The following DOC2A variants were observed in gnomAD, a reference collection of about 807,000 sequenced individuals.
DOC2A encodes double C2 domain alpha, also known as double C2-like domain-containing protein alpha.
Under a neutral mutation model 40.6 loss-of-function variants are expected in DOC2A, and 28 were observed. That is an observed-to-expected ratio of 0.69 (90% CI 0.51 to 0.95). The LOEUF is 0.95. Ranked by LOEUF, DOC2A falls within the 40% of genes least tolerant of loss-of-function variation. The probability of loss-of-function intolerance (pLI) is 0.00; values close to 1 mark genes in which losing one functional copy is unlikely to be tolerated. For missense variants in DOC2A, 474 were observed against 552.5 expected (o/e 0.86, Z 1.42); for synonymous variants, 241 against 236.9 (o/e 1.02, Z -0.16).
At position 30,009,843 on chromosome 16, in the gene DOC2A, C is replaced by T. The variant is rs562756715; in HGVS notation, c.262+118G>A. On this transcript the variant is annotated intron_variant, in intron 2 of 10. Transcript: ENST00000350119. This position sits in a 1 kb window ranked among gnomAD's most constrained non-coding sequence, Gnocchi z 4.1. ...GTGGTGGCCGTCCCTGCCACCCCCCCACTGCCCTCCTCCCCTACCTACATG... is the reference window on the plus strand; with the variant it reads ...GTGGTGGCCGTCCCTGCCACCCCCCTACTGCCCTCCTCCCCTACCTACATG... 0.021 allele frequency: 23,965 copies of T among 1,162,464 alleles called. 435 individuals are homozygous for T. Among genetic ancestry groups the T allele is most frequent in the Non-Finnish European group, 0.024 (19,066 of 792,242 alleles). The allele number at this position is 1,162,464 out of a possible 1,614,324, so 72.0% of individuals were successfully genotyped here.
upstream of DOC2A, among the ~76,000 whole-genome samples, chr16:30,016,055 A>ATATATATATTTTTTT (rs1163519904): frequency 5.9e-5 from 1 of 16,896 alleles, no homozygotes; most frequent in Non-Finnish European, 9.5e-5. Context: ...ATATATATAT[A>ATATATATATTTTTTT]TTTTTTTTTT....
At chr16:30,020,908 G>C (rs1229906204) in intron 1 of DOC2A, among the ~76,000 whole-genome samples, 1 of 152,116 alleles carries the variant, frequency 6.6e-6, no homozygotes, top group Non-Finnish European at 1.5e-5. Flanking sequence ...TGTGGTCCCA[G>C]CTACTTGGGA....
chr16:30,020,790 T>C (rs1411125104), intron 1 of DOC2A, among the ~76,000 whole-genome samples: 1 of 151,694 alleles, frequency 6.6e-6, no homozygotes, highest in Non-Finnish European at 1.5e-5. Flanking sequence ...GAGGTTGCAG[T>C]GAGCCAAGAT....
chr16:30,015,926 G>A (rs1394585169), upstream of DOC2A, among the ~76,000 whole-genome samples: 1 of 143,872 alleles, frequency 7.0e-6, no homozygotes, highest in Non-Finnish European at 1.5e-5. Context: ...TGCCCAGGCT[G>A]GTTTCAAACT....
In DOC2A at chr16:30,010,353, G is replaced by GGA. The variant is rs2070746348; in HGVS notation, c.-13-120_-13-119dup. On this transcript the variant is annotated intron_variant, in intron 1 of 10. Transcript: ENST00000350119. This position sits in a 1 kb window ranked among gnomAD's most constrained non-coding sequence, Gnocchi z 4.2. ...CTGGCCTCCCTTCCTAGGTGTCGAGGGAGAGGGTGGTGTGTGCCAGCCGGT... is the reference window on the plus strand; with the variant it reads ...CTGGCCTCCCTTCCTAGGTGTCGAGGGAGAGAGGGTGGTGTGTGCCAGCCGGT... 7.1e-7 allele frequency: 1 copy of GGA among 1,415,832 alleles called. No homozygotes were observed. The highest frequency in any genetic ancestry group is 1.7e-5 in the Admixed American group (1 of 58,524). 87.7% of individuals were successfully genotyped at this position (1,415,832 alleles called of 1,614,324 possible).
chr16:30,006,827 G>A lies in DOC2A; in HGVS notation c.836C>T (p.Ala279Val). The change falls in exon 8 of 11, where the codon GCT (alanine) becomes GTT (valine). Residue 279 changes from alanine (A) to valine (V), a missense_variant. By Grantham distance (64) the Ala-to-Val change is moderately conservative. Transcript: ENST00000350119. This position sits in a 1 kb window ranked among gnomAD's most constrained non-coding sequence, Gnocchi z 6.2. The part of the protein sequence containing the change: ...LVGILRCAHL[A>V]AMDVNGYSDP... ...CGAGTAACCGTTGACGTCCATGGCA[G>A]CCAGATGGGCGCAGCGCAAGATGCC... The A allele has an allele frequency of 6.2e-7, 1 of 1,613,800 alleles. No homozygotes were observed. The highest frequency in any genetic ancestry group is 8.5e-7 in the Non-Finnish European group (1 of 1,179,898).
chr16:30,006,733 C>T lies in DOC2A; in HGVS notation c.878+52G>A. On this transcript the variant is annotated intron_variant, in intron 8 of 10. Transcript: ENST00000350119. The surrounding 1 kb of genome is among the most constrained non-coding windows in gnomAD (Gnocchi z 6.2). ...GGGGTGAGGGACAGGCCAGGCCCAA[C>T]TCAGGCCAGGGCAGGCTCCCTGGGG... 1 of 1,613,760 alleles carries T rather than the reference C, an allele frequency of 6.2e-7. No individual in the cohort carries two copies. The highest frequency in any genetic ancestry group is 8.5e-7 in the Non-Finnish European group (1 of 1,179,850).
At chr16:30,022,246 CAAAAAAAAAAAAAA>C (rs60987861), upstream of DOC2A, among the ~76,000 whole-genome samples, 9 of 34,284 alleles carry the variant, frequency 2.6e-4, no homozygotes, top group East Asian at 2.4e-3. Flanking sequence ...AACTCCATCT[CAAAAAAAAAAAAAA>C]AAAAAAAAAA....
At chr16:30,016,531 G>A (rs1276841623), upstream of DOC2A, among the ~76,000 whole-genome samples, 8 of 152,186 alleles carry the variant, frequency 5.3e-5, no homozygotes. Flanking sequence ...CAAGGAACCT[G>A]TCGAGTCCTC....
chr16:30,017,975 A>AAT (rs1353215912), intron 1 of DOC2A, among the ~76,000 whole-genome samples: 1 of 148,316 alleles, frequency 6.7e-6, no homozygotes, highest in African/African-American at 2.5e-5. Context: ...AAAAAAAAAA[A>AAT]AAAGAAAGAA....
Position 30,009,560 on chromosome 16 carries a change from G to A in DOC2A, c.263-3C>T, listed in dbSNP as rs375995826. ...AAACTCCAGCGTGCCTAGGGCGGCT[G>A]GAGAGAGAGGAAAGGCAGCATGGGT... is the stretch of plus-strand genomic sequence containing the variant. On this transcript the variant is annotated splice_region_variant and splice_polypyrimidine_tract_variant and intron_variant, in intron 2 of 10. Coordinates refer to ENST00000350119, the MANE Select transcript of DOC2A (RefSeq NM_003586.3). The surrounding 1 kb of genome is among the most constrained non-coding windows in gnomAD (Gnocchi z 4.1). The A allele has an allele frequency of 1.9e-6, 3 of 1,550,918 alleles. No individual in the cohort carries two copies. Among genetic ancestry groups the A allele is most frequent in the African/African-American group, 1.4e-5 (1 of 73,156 alleles).
Position 30,006,607 on chromosome 16 carries a change from C to T in DOC2A, c.949G>A (p.Glu317Lys). 1 of 1,613,786 alleles carries T rather than the reference C, an allele frequency of 6.2e-7. No individual in the cohort carries two copies. The highest frequency in any genetic ancestry group is 8.5e-7 in the Non-Finnish European group (1 of 1,179,968). Reference protein sequence around the residue: ...TCVKKKTLNPEFNEEFFYEIE... With the variant: ...TCVKKKTLNPKFNEEFFYEIE... ...CCCCTCCTGGGTACCTCGTTAAATT[C>T]TGGGTTGAGAGTCTTCTTCTTCACA... The change falls in exon 9 of 11, where the codon GAA becomes AAA. Residue 317 changes from glutamate (E) to lysine (K), a missense_variant. Glu to Lys is a moderately conservative substitution (Grantham distance 56). Coordinates refer to ENST00000350119, the MANE Select transcript of DOC2A (RefSeq NM_003586.3). The surrounding 1 kb of genome is among the most constrained non-coding windows in gnomAD (Gnocchi z 6.2).
upstream of DOC2A, among the ~76,000 whole-genome samples, chr16:30,014,195 C>T (rs2070832394): frequency 1.9e-5 from 2 of 107,262 alleles, no homozygotes; most frequent in Admixed American, 9.4e-5. Flanking sequence ...TTTAAATATA[C>T]AAGGTCTCAC....
rs771386740 is a variant in DOC2A, at chr16:30,005,636, GC to G, written c.*549del. The G allele has an allele frequency of 2.3e-5, 14 of 607,492 alleles. No individual in the cohort carries two copies. The highest frequency in any genetic ancestry group is 1.2e-4 in the East Asian group (4 of 32,498). The allele number at this position is 607,492 out of a possible 1,614,324, so 37.6% of individuals were successfully genotyped here. A position where few individuals can be genotyped will look rare whatever the true frequency, so the allele number is the denominator to read the frequency against. ...GCAGGGGCCCTGCCTTCAAACCCCG[GC>G]CCCCTCCAGGGGACAGTTATTTAAA... On this transcript the variant is annotated 3_prime_UTR_variant, in exon 11 of 11. Transcript: ENST00000350119.
At position 30,006,442 on chromosome 16, in the gene DOC2A, T is replaced by C; in HGVS notation, c.1028A>G (p.Tyr343Cys). Residue 343 changes from tyrosine to cysteine, a missense_variant, in exon 10 of 11, where the codon TAT becomes TGT. Transcript: ENST00000350119. This position sits in a 1 kb window ranked among gnomAD's most constrained non-coding sequence, Gnocchi z 6.2. ...GAAGTCATTGGATTTGCCAATGTCA[T>C]AGTCCCAGACGGTGACTTCCAGGGT... ...TKTLEVTVWD[Y>C]DIGKSNDFIG... 1.9e-6 allele frequency: 3 copies of C among 1,613,402 alleles called. No individual in the cohort carries two copies. The highest frequency in any genetic ancestry group is 2.5e-6 in the Non-Finnish European group (3 of 1,179,866).
upstream of DOC2A, among the ~76,000 whole-genome samples, chr16:30,016,471 C>T (rs965481223): frequency 1.3e-5 from 2 of 152,186 alleles, no homozygotes; most frequent in African/African-American, 4.8e-5. Flanking sequence ...AGAGGGTGTC[C>T]ATGACCTGGG....
chr16:30,012,757 T>G (rs1596711570), upstream of DOC2A: 1 of 151,270 alleles, frequency 6.6e-6, no homozygotes, highest in African/African-American at 2.4e-5. Flanking sequence ...GGCTCACGCC[T>G]GTAATCCCAG....
At position 30,006,669 on chromosome 16, in the gene DOC2A, C is replaced by G; in HGVS notation, c.887G>C (p.Arg296Thr). The G allele has an allele frequency of 6.2e-7, 1 of 1,613,776 alleles. No homozygotes were observed. The highest frequency in any genetic ancestry group is 1.6e-4 in the Middle Eastern group (1 of 6,062). The change falls in exon 9 of 11, where the codon AGG becomes ACG. Residue 296 changes from arginine to threonine, a missense_variant. By Grantham distance (71) the Arg-to-Thr change is moderately conservative. Transcript: ENST00000350119. The surrounding 1 kb of genome is among the most constrained non-coding windows in gnomAD (Gnocchi z 6.2). ...CTTGGATTTCTTGTCCACATCGGGC[C>G]TCAGGTACCTGGGGGTGGGGTGGAG... is the stretch of plus-strand genomic sequence containing the variant. ...YSDPYVKTYL[R>T]PDVDKKSKHK... is the part of the protein sequence containing the mutation.
At chr16:30,013,199 G>A, upstream of DOC2A, among the ~76,000 whole-genome samples, 1 of 147,760 alleles carries the variant, frequency 6.8e-6, no homozygotes, top group East Asian at 2.0e-4. Flanking sequence ...CAGGCATAGT[G>A]GTGTGTGCCT....
Sources: gnomAD v4.1 joint callset for allele counts (sites outside exome capture counted in the v4.1 genomes callset) on GRCh38, gnomAD v4.1.1 for gene constraint, Gnocchi (gnomAD v3.1) non-coding constraint, MANE v1.5 for transcripts, NCBI Gene and HGNC (gene_info 2026-07-23, HGNC 2026-07-21) for gene names.